DCC: variants seen among roughly 807,000 people sequenced by gnomAD.
DCC encodes the protein DCC netrin 1 receptor, also known as netrin receptor DCC.
A neutral mutation model predicts 172.5 loss-of-function variants in DCC; 58 were observed. The observed-to-expected ratio is 0.34, with a 90% confidence interval of 0.27 to 0.42. The LOEUF (loss-of-function observed/expected upper bound fraction) is 0.42. Ranked by LOEUF, DCC falls within the 10% of genes least tolerant of loss-of-function variation. The pLI is 1.00. For missense variants in DCC, 1,740 were observed against 1,791.0 expected, an observed-to-expected ratio of 0.97 and a Z score of 0.51; for synonymous variants, 709 against 644.5, an observed-to-expected ratio of 1.10 and a Z score of -1.52.
chr18:52,677,324 A>C (rs2144982461), intron 1 of DCC, among the ~76,000 whole-genome samples: 1 of 152,308 alleles, frequency 6.6e-6, no homozygotes, highest in African/African-American at 2.4e-5. Flanking sequence ...TACATTACAA[A>C]AAAAGAGAAG....
rs552000771 is a variant in DCC, at chr18:52,697,389, G to A, written c.92-54665G>A. Among the ~76,000 whole-genome samples the A allele has an allele frequency of 6.6e-5, 10 of 152,270 alleles. No individual in the cohort carries two copies. In the East Asian group the frequency reaches 9.7e-4, roughly 15 times the overall value. ...TGTTCATGGCAGCGATATGGGATGG[G>A]TTATCTACCTTAGGATTGAAGGACC... On this transcript the variant is annotated intron_variant, in intron 1 of 28. Transcript: ENST00000442544.
intron 5 of DCC, among the ~76,000 whole-genome samples, chr18:53,030,345 C>T (rs1394746574): frequency 6.6e-6 from 1 of 151,982 alleles, no homozygotes; most frequent in Non-Finnish European, 1.5e-5. Context: ...GAAGGTTCTG[C>T]CACATAATAT....
At chr18:52,557,915 C>T (rs1271944958) in intron 1 of DCC, among the ~76,000 whole-genome samples, 2 of 152,184 alleles carry the variant, frequency 1.3e-5, no homozygotes, top group African/African-American at 4.8e-5. Flanking sequence ...CCTGCCTTGG[C>T]CTCCCAAAGT....
intron 5 of DCC, among the ~76,000 whole-genome samples, chr18:52,996,053 T>G (rs66939940): frequency 0.17 from 26,355 of 151,932 alleles, 2,844 homozygotes; most frequent in African/African-American, 0.31. Flanking sequence ...TCCATATTTG[T>G]CATCATGTTA....
intron 9 of DCC, among the ~76,000 whole-genome samples, chr18:53,194,813 C>T (rs1278443520): frequency 6.6e-6 from 1 of 152,176 alleles, no homozygotes; most frequent in Admixed American, 6.5e-5. Flanking sequence ...ACTTGGGCCA[C>T]ATCCTTTTAG....
chr18:53,391,573 G>T (rs1908545410), intron 16 of DCC, 82 bp from the exon 17 acceptor site: 1 of 880,790 alleles, frequency 1.1e-6, no homozygotes, highest in Non-Finnish European at 1.9e-6. Flanking sequence ...TCATTGTGAT[G>T]TGTTACCACT....
intron 8 of DCC, among the ~76,000 whole-genome samples, chr18:53,175,711 A>G (rs1175327411): frequency 1.3e-5 from 2 of 152,196 alleles, no homozygotes; most frequent in Non-Finnish European, 2.9e-5. Context: ...TTCCATGCTC[A>G]TGGGTAGGAG....
intron 7 of DCC, among the ~76,000 whole-genome samples, chr18:53,090,936 G>T (rs2042998516): frequency 6.6e-6 from 1 of 151,660 alleles, no homozygotes; most frequent in African/African-American, 2.4e-5. Context: ...ATGTGTCCTG[G>T]GGTTCCTGAG....
intron 1 of DCC, among the ~76,000 whole-genome samples, chr18:52,358,740 C>G (rs1984489401): frequency 6.6e-6 from 1 of 152,130 alleles, no homozygotes; most frequent in African/African-American, 2.4e-5. Flanking sequence ...TGTCATAAAC[C>G]AGTTATCTTC....
intron 1 of DCC, among the ~76,000 whole-genome samples, chr18:52,739,894 C>A (rs1004901394): frequency 2.0e-5 from 3 of 151,988 alleles, no homozygotes; most frequent in African/African-American, 7.3e-5. Flanking sequence ...TTTGAACAAC[C>A]CACATAGAGT....
intron 15 of DCC, among the ~76,000 whole-genome samples, chr18:53,378,750 A>G (rs1383719264): frequency 1.3e-5 from 2 of 152,184 alleles, no homozygotes; most frequent in African/African-American, 4.8e-5. Flanking sequence ...GAAGATTGAA[A>G]ATGTACCCTA....
intron 2 of DCC, among the ~76,000 whole-genome samples, chr18:52,838,453 G>A (rs572612149): frequency 6.3e-4 from 96 of 152,238 alleles, no homozygotes; most frequent in Non-Finnish European, 1.1e-3. Context: ...TGTACACAAT[G>A]TCAGTGATTG....
At chr18:52,827,570 A>T (rs949149650) in intron 2 of DCC, among the ~76,000 whole-genome samples, 11 of 152,252 alleles carry the variant, frequency 7.2e-5, no homozygotes, top group African/African-American at 2.4e-4. Flanking sequence ...GCATCAAAGA[A>T]AACAATATTA....
chr18:53,290,025 T>C (rs1007231785), intron 12 of DCC, among the ~76,000 whole-genome samples: 8 of 152,192 alleles, frequency 5.3e-5, no homozygotes, highest in African/African-American at 1.9e-4. Context: ...AGGTATTTTA[T>C]CATTCTGTTT....
intron 5 of DCC, among the ~76,000 whole-genome samples, chr18:53,017,568 A>G (rs188047246): frequency 1.3e-5 from 2 of 152,322 alleles, no homozygotes; most frequent in African/African-American, 4.8e-5. Context: ...TACAGGATGC[A>G]GTCTTAAACT....
At chr18:53,276,235 T>C (rs1172205216) in intron 12 of DCC, among the ~76,000 whole-genome samples, 1 of 152,172 alleles carries the variant, frequency 6.6e-6, no homozygotes, top group East Asian at 1.9e-4. Flanking sequence ...TGGGGTTCTT[T>C]AATCAATTGT....
At chr18:53,280,001 C>G (rs2056852648) in intron 12 of DCC, among the ~76,000 whole-genome samples, 1 of 151,962 alleles carries the variant, frequency 6.6e-6, no homozygotes, top group South Asian at 2.1e-4. Context: ...TGCTTATTAC[C>G]TGGGTGACAA....
Position 53,410,464 on chromosome 18 carries a change from T to A in DCC, c.2948T>A (p.Phe983Tyr), listed in dbSNP as rs1177325593. 3.1e-6 allele frequency: 5 copies of A among 1,605,362 alleles called. No individual in the cohort carries two copies. The highest frequency in any genetic ancestry group is 3.4e-6 in the Non-Finnish European group (4 of 1,172,210). ...ANGKITAYIL[F>Y]YTLDKNIPID... is the part of the protein sequence containing the mutation. ...TCTATTTATGCAGCTTACATCTTAT[T>A]TTATACCTTGGACAAGAACATCCCA... The change falls in exon 20 of 29, where the codon TTT becomes TAT. Residue 983 changes from phenylalanine (F) to tyrosine (Y), a missense_variant. Physicochemically the swap from Phe to Tyr is conservative, Grantham distance 22. Around this residue, in one of 2 missense-constraint regions of DCC, gnomAD observed 1,732 missense variants for 1,767.4 expected, o/e 0.98. Coordinates refer to ENST00000442544, the MANE Select transcript of DCC (RefSeq NM_005215.4).
intron 1 of DCC, among the ~76,000 whole-genome samples, chr18:52,504,546 C>T (rs892535283): frequency 5.9e-5 from 9 of 152,130 alleles, no homozygotes; most frequent in Non-Finnish European, 1.3e-4. Context: ...GGGGTCTTTC[C>T]TTAGAGTCAT....
Sources: gnomAD v4.1 joint callset for allele counts (sites outside exome capture counted in the v4.1 genomes callset) on GRCh38, gnomAD v4.1.1 for gene constraint, gnomAD v4.1.1 regional missense constraint, MANE v1.5 for transcripts, NCBI Gene and HGNC (gene_info 2026-07-23, HGNC 2026-07-21) for gene names.